FAM135B: variants seen among roughly 807,000 people sequenced by gnomAD.
FAM135B encodes family with sequence similarity 135 member B.
A neutral mutation model predicts 127.7 loss-of-function variants in FAM135B; 43 were observed. The observed-to-expected ratio is 0.34, with a 90% CI of 0.26 to 0.43. The LOEUF (loss-of-function observed/expected upper bound fraction) is 0.43. FAM135B is among the 20% of genes least tolerant of loss of function. FAM135B has a pLI of 1.00. For missense variants in FAM135B, 1,558 were observed against 1,725.6 expected, an observed-to-expected ratio of 0.90 and a Z score of 1.72; for synonymous variants, 670 against 665.1, an observed-to-expected ratio of 1.01 and a Z score of -0.11.
intron 1 of FAM135B, among the ~76,000 whole-genome samples, chr8:138,376,043 G>C (rs116870873): frequency 0.038 from 5,794 of 152,180 alleles, 207 homozygotes; most frequent in East Asian, 0.17. Flanking sequence ...GCCCAAGCTG[G>C]AGTGAGGTGG....
chr8:138,466,074 T>C (rs1837365875), intron 1 of FAM135B, among the ~76,000 whole-genome samples: 1 of 152,156 alleles, frequency 6.6e-6, no homozygotes, highest in African/African-American at 2.4e-5. Context: ...CTGCGCCTGG[T>C]CTCACCTGAT....
chr8:138,137,251 T>C lies in FAM135B; in HGVS notation c.3911A>G (p.Tyr1304Cys), dbSNP rs1816740227. The change falls in exon 19 of 20, where the codon TAT becomes TGT. Residue 1304 changes from tyrosine to cysteine, a missense_variant. Around this residue, in one of 5 missense-constraint regions of FAM135B, gnomAD observed 194 missense variants for 333.8 expected, o/e 0.58. Transcript: ENST00000395297. ...YQLSQKTGLQ[Y>C]FKNVVLVASP... is the part of the protein sequence containing the mutation. ...AGCAACCAGCACGACGTTTTTAAAATACTGCAGCCCTGTAAAAATTAGCCA... is the reference window on the plus strand; with the variant it reads ...AGCAACCAGCACGACGTTTTTAAAACACTGCAGCCCTGTAAAAATTAGCCA... The C allele has an allele frequency of 3.8e-6, 6 of 1,587,294 alleles. No individual in the cohort carries two copies. The highest frequency in any genetic ancestry group is 5.2e-6 in the Non-Finnish European group (6 of 1,155,454).
At chr8:138,260,071 G>A (rs968027397) in intron 4 of FAM135B, among the ~76,000 whole-genome samples, 8 of 152,108 alleles carry the variant, frequency 5.3e-5, no homozygotes, top group Non-Finnish European at 1.2e-4. Flanking sequence ...TTACTTATAT[G>A]GGCTTAAGAC....
rs992374063 is a variant in FAM135B at position 138,170,252 on chromosome 8, C to T, written c.1104-2203G>A. 3.3e-4 allele frequency among the ~76,000 whole-genome samples: 42 copies of T among 127,832 alleles called. No homozygotes were observed. The East Asian group carries it at 7.8e-3, about 24-fold the overall frequency. The allele number at this position is 127,832 out of a possible 152,430, so 83.9% of individuals were successfully genotyped here. ...TTTTTTTTTTTTTGAGACAGAGTTT[C>T]GCTCTTGTTGCCCAGGCTGGAGTGC... On this transcript the variant is annotated intron_variant, in intron 11 of 19. Coordinates refer to ENST00000395297, the MANE Select transcript of FAM135B (RefSeq NM_015912.4).
At chr8:138,267,019 G>T (rs186054382) in intron 3 of FAM135B, among the ~76,000 whole-genome samples, 3 of 152,076 alleles carry the variant, frequency 2.0e-5, no homozygotes, top group Admixed American at 2.0e-4. Flanking sequence ...AGAGACAAAG[G>T]CTCAAAGCAG....
At chr8:138,453,343 AC>A (rs1269489650) in intron 1 of FAM135B, among the ~76,000 whole-genome samples, 1 of 151,708 alleles carries the variant, frequency 6.6e-6, no homozygotes, top group African/African-American at 2.4e-5. Context: ...ATATAAAAAT[AC>A]CTATTATTTA....
intron 2 of FAM135B, among the ~76,000 whole-genome samples, chr8:138,343,380 AG>A: frequency 6.6e-6 from 1 of 152,316 alleles, no homozygotes; most frequent in East Asian, 1.9e-4. Context: ...TCAGCTTTTC[AG>A]GCACAAAGCT....
At chr8:138,415,950 T>C (rs1834120693) in intron 1 of FAM135B, among the ~76,000 whole-genome samples, 1 of 152,192 alleles carries the variant, frequency 6.6e-6, no homozygotes, top group Non-Finnish European at 1.5e-5. Flanking sequence ...GCCCTCTCTG[T>C]TCTTCCCTCA....
chr8:138,364,169 A>G (rs1830602865), intron 2 of FAM135B, among the ~76,000 whole-genome samples: 1 of 152,142 alleles, frequency 6.6e-6, no homozygotes, highest in Admixed American at 6.5e-5. Context: ...GGATAAAGTA[A>G]TTACACTTCA....
chr8:138,269,920 C>T (rs540502136), intron 3 of FAM135B, among the ~76,000 whole-genome samples: 3 of 152,236 alleles, frequency 2.0e-5, no homozygotes, highest in East Asian at 1.9e-4. Context: ...TTTCTAGGAA[C>T]GGGAAGGACA....
At chr8:138,182,977 T>A (rs1815211615) in intron 9 of FAM135B, among the ~76,000 whole-genome samples, 1 of 152,192 alleles carries the variant, frequency 6.6e-6, no homozygotes, top group African/African-American at 2.4e-5. Flanking sequence ...TTCGTGCATG[T>A]CCTCATCTTC....
chr8:138,256,539 G>A (rs1010572587), intron 5 of FAM135B, 150 bp downstream of exon 5: 10 of 638,122 alleles, frequency 1.6e-5, no homozygotes, highest in Admixed American at 8.5e-5. Flanking sequence ...TTCTTAGCCC[G>A]CACCCCTGAG....
chr8:138,376,135 G>T (rs1380032913), intron 1 of FAM135B, among the ~76,000 whole-genome samples: 1 of 152,048 alleles, frequency 6.6e-6, no homozygotes, highest in Non-Finnish European at 1.5e-5. Flanking sequence ...TAGAGACAGG[G>T]TTTCACTGTG....
intron 12 of FAM135B, among the ~76,000 whole-genome samples, chr8:138,166,406 C>T (rs1013514304): frequency 9.9e-5 from 15 of 152,224 alleles, no homozygotes; most frequent in Non-Finnish European, 2.9e-5. Flanking sequence ...AAACAGGTTG[C>T]ACTCTGGATA....
At chr8:138,485,730 G>A (rs918985555) in intron 1 of FAM135B, among the ~76,000 whole-genome samples, 4 of 152,252 alleles carry the variant, frequency 2.6e-5, no homozygotes, top group South Asian at 2.1e-4. Context: ...GGGTAAGGAG[G>A]GGAGTTATAA....
intron 1 of FAM135B, among the ~76,000 whole-genome samples, chr8:138,388,948 T>C (rs1372465185): frequency 6.6e-6 from 1 of 151,946 alleles, no homozygotes; most frequent in Non-Finnish European, 1.5e-5. Context: ...TTTATATATA[T>C]ATATCCCCCC....
At chr8:138,341,139 T>C (rs1157381966) in intron 2 of FAM135B, among the ~76,000 whole-genome samples, 1 of 152,164 alleles carries the variant, frequency 6.6e-6, no homozygotes, top group Non-Finnish European at 1.5e-5. Context: ...TTCTTCGCAA[T>C]AGCCAAAAGG....
intron 1 of FAM135B, among the ~76,000 whole-genome samples, chr8:138,478,587 T>C (rs1232736293): frequency 6.6e-6 from 1 of 152,154 alleles, no homozygotes; most frequent in African/African-American, 2.4e-5. Context: ...ACATTCAACA[T>C]AGTGTTGAAG....
At chr8:138,471,483 A>G (rs1177948102) in intron 1 of FAM135B, among the ~76,000 whole-genome samples, 2 of 152,198 alleles carry the variant, frequency 1.3e-5, no homozygotes, top group Admixed American at 6.5e-5. Context: ...AAGGTGACAC[A>G]GGCATATATG....
Sources: allele counts gnomAD v4.1 joint callset (sites outside exome capture counted in the v4.1 genomes callset), GRCh38; gene constraint gnomAD v4.1.1; regional missense constraint gnomAD v4.1.1; transcripts MANE v1.5; gene names NCBI Gene and HGNC (gene_info 2026-07-23, HGNC 2026-07-21).